Variants in PNISR observed in about 807,000 individuals in gnomAD.
The protein encoded by PNISR is PNN interacting serine and arginine rich protein.
Under a neutral mutation model 93.4 loss-of-function variants are expected in PNISR, and 20 were observed. That is an observed-to-expected ratio of 0.21 (90% confidence interval 0.15 to 0.31). The LOEUF (loss-of-function observed/expected upper bound fraction) is 0.31. Ranked by LOEUF, PNISR falls within the 10% of genes least tolerant of loss-of-function variation. The probability of loss-of-function intolerance (pLI) is 1.00; values close to 1 mark genes in which losing one functional copy is unlikely to be tolerated. For missense variants in PNISR, 893 were observed against 985.4 expected (o/e 0.91, Z 1.25); for synonymous variants, 305 against 306.5 (o/e 0.99, Z 0.05).
In PNISR at chr6:99,399,225, CTGAG is replaced by C. The variant is rs994522248; in HGVS notation, c.*1311_*1314del. 3.3e-5 allele frequency: 5 copies of C among 152,074 alleles called. No homozygotes were observed. The highest frequency in any genetic ancestry group is 5.9e-5 in the Non-Finnish European group (4 of 67,968). 9.4% of individuals were successfully genotyped at this position (152,074 alleles called of 1,614,324 possible). A position where few individuals can be genotyped will look rare whatever the true frequency, so the allele number is the denominator to read the frequency against. ...TTTGTTTTCAGAGATTCATTTATCA[CTGAG>C]TAAGTGATTACATAAAAAAATGGAC... On this transcript the variant is annotated 3_prime_UTR_variant, in exon 12 of 12. Transcript: ENST00000369239.
chr6:99,410,699 A>G, intron 5 of PNISR, 42 bp downstream of exon 5: 2 of 1,368,080 alleles, frequency 1.5e-6, no homozygotes. Flanking sequence ...AGAATGGATT[A>G]CGTGCACATC....
chr6:99,404,209 TG>T (rs1204108025), intron 9 of PNISR: 1 of 372,506 alleles, frequency 2.7e-6, no homozygotes, highest in Admixed American at 4.5e-5. Context: ...GGAAATCACT[TG>T]CTTCTGTAAG....
chr6:99,417,513 G>A lies in PNISR; in HGVS notation c.-111-1085C>T, dbSNP rs149498429. 3.9e-5 allele frequency among the ~76,000 whole-genome samples: 6 copies of A among 152,226 alleles called. No individual in the cohort carries two copies. The East Asian group carries it at 1.2e-3, about 29-fold the overall frequency. ...AATCTGTAAAACAGAAGACCTAAAT[G>A]TCTATACCCCAAAGGATTATTGTGA... On this transcript the variant is annotated intron_variant, in intron 1 of 11. Coordinates refer to ENST00000369239, the MANE Select transcript of PNISR (RefSeq NM_032870.4).
chr6:99,402,022 T>C (rs984354647), intron 11 of PNISR, among the ~76,000 whole-genome samples: 2 of 152,072 alleles, frequency 1.3e-5, no homozygotes, highest in Non-Finnish European at 2.9e-5. Flanking sequence ...GATGTAGAGG[T>C]GGGTGTGAGG....
At chr6:99,418,905 T>C (rs1211460920) in intron 1 of PNISR, among the ~76,000 whole-genome samples, 1 of 151,994 alleles carries the variant, frequency 6.6e-6, no homozygotes, top group Non-Finnish European at 1.5e-5. Flanking sequence ...TCCTAGCACT[T>C]TGGGAGGCTG....
At chr6:99,416,655 T>C (rs141981101) in intron 1 of PNISR, among the ~76,000 whole-genome samples, 1 of 152,286 alleles carries the variant, frequency 6.6e-6, no homozygotes, top group African/African-American at 2.4e-5. Flanking sequence ...AATCTTTTAT[T>C]TACTTGAACA....
At chr6:99,419,924 G>A (rs1244636921) in intron 1 of PNISR, among the ~76,000 whole-genome samples, 1 of 145,310 alleles carries the variant, frequency 6.9e-6, no homozygotes, top group Non-Finnish European at 1.5e-5. Context: ...TCGCTTTGTT[G>A]CCCAGGCTGG....
chr6:99,412,057 AAC>A (rs1203218908), intron 4 of PNISR: 1 of 310,762 alleles, frequency 3.2e-6, no homozygotes, highest in Non-Finnish European at 6.4e-6. Flanking sequence ...AAAAAAGTAA[AAC>A]ACACAAAAAC....
chr6:99,423,536 G>A (rs767816979), intron 1 of PNISR, among the ~76,000 whole-genome samples: 1 of 152,122 alleles, frequency 6.6e-6, no homozygotes, highest in South Asian at 2.1e-4. Context: ...GATGATCAAG[G>A]TCAGTAATAA....
In PNISR at chr6:99,409,156, C is replaced by CT. The variant is rs776379376; in HGVS notation, c.673+16dup. The CT allele has an allele frequency of 6.2e-7, 1 of 1,608,040 alleles. No individual in the cohort carries two copies. The highest frequency in any genetic ancestry group is 8.5e-7 in the Non-Finnish European group (1 of 1,174,898). On this transcript the variant is annotated intron_variant, in intron 6 of 11. Coordinates refer to ENST00000369239, the MANE Select transcript of PNISR (RefSeq NM_032870.4). Reference sequence around the variant, plus strand: ...GTCATGCCAATTGTGGTCCACTAAACTAAGTTAAATAGCTACCAATTTGTG... The same window carrying CT: ...GTCATGCCAATTGTGGTCCACTAAACTTAAGTTAAATAGCTACCAATTTGTG...
Position 99,409,209 on chromosome 6 carries a change from T to C in PNISR, c.637A>G (p.Ile213Val), listed in dbSNP as rs771041770. The C allele has an allele frequency of 3.0e-5, 48 of 1,613,874 alleles. No homozygotes were observed. Among genetic ancestry groups the C allele is most frequent in the Admixed American group, 3.3e-5 (2 of 59,984 alleles). The change falls in exon 6 of 12, where the codon ATT (isoleucine) becomes GTT (valine). Residue 213 changes from isoleucine to valine, a missense_variant. Physicochemically the swap from Ile to Val is conservative, Grantham distance 29. Around this residue, in one of 3 missense-constraint regions of PNISR, gnomAD observed 866 missense variants for 935.1 expected, o/e 0.93. Coordinates refer to ENST00000369239, the MANE Select transcript of PNISR (RefSeq NM_032870.4). ...SSFRDRQRSPIALPVKQEPPQ... is the reference protein window; with the variant it reads ...SSFRDRQRSPVALPVKQEPPQ... ...GGCTCCTGCTTCACAGGAAGTGCAA[T>C]AGGTGAACGCTGACGATCCCTGAAT...
In PNISR at chr6:99,410,962, A is replaced by G; in HGVS notation, c.280T>C (p.Trp94Arg). The change falls in exon 5 of 12, where the codon TGG becomes CGG. Residue 94 changes from tryptophan to arginine, a missense_variant and splice_region_variant. By Grantham distance (101) the Trp-to-Arg change is moderately radical (BLOSUM62 -3). Around this residue, in one of 3 missense-constraint regions of PNISR, gnomAD observed 866 missense variants for 935.1 expected, o/e 0.93. Coordinates refer to ENST00000369239, the MANE Select transcript of PNISR (RefSeq NM_032870.4). The part of the protein sequence containing the change: ...SNFNRMWQPE[W>R]GMHQQPPHPP... ...TGTGGGGGTTGCTGATGCATTCCCC[A>G]TTCTATTTAAGATTTAGGCATAAAA... The G allele has an allele frequency of 6.2e-7, 1 of 1,610,472 alleles. No homozygotes were observed. The highest frequency in any genetic ancestry group is 1.1e-5 in the South Asian group (1 of 90,962).
At chr6:99,423,831 G>A (rs1452712259) in intron 1 of PNISR, among the ~76,000 whole-genome samples, 2 of 152,176 alleles carry the variant, frequency 1.3e-5, no homozygotes, top group Admixed American at 6.5e-5. Flanking sequence ...GGCGTATAGT[G>A]TAAGCTCTAT....
At chr6:99,403,652 G>A (rs1442574352) in intron 10 of PNISR, 177 bp downstream of exon 10, 2 of 441,798 alleles carry the variant, frequency 4.5e-6, no homozygotes, top group East Asian at 3.4e-5. Flanking sequence ...ATTTCTCACT[G>A]TGAATGCGTT....
intron 3 of PNISR, among the ~76,000 whole-genome samples, chr6:99,413,408 AT>A (rs1777231427): frequency 6.6e-6 from 1 of 151,292 alleles, no homozygotes; most frequent in Non-Finnish European, 1.5e-5. Flanking sequence ...CCATCCATCC[AT>A]CCATCCATCC....
rs974086044 is a variant in PNISR at position 99,420,451 on chromosome 6, G to C, written c.-111-4023C>G. Among the ~76,000 whole-genome samples, 143 of 152,314 alleles carry C rather than the reference G, an allele frequency of 9.4e-4. 2 individuals are homozygous for C. Among genetic ancestry groups the C allele is most frequent in the African/African-American group, 3.3e-3 (139 of 41,560 alleles). ...CACATAGCACAATGCTTGATAAGGA[G>C]TTTCATTAACTATTGTTTAATTAAA... On this transcript the variant is annotated intron_variant, in intron 1 of 11. Transcript: ENST00000369239.
Position 99,401,663 on chromosome 6 carries a change from A to G in PNISR, c.1328-33T>C, listed in dbSNP as rs560695092. On this transcript the variant is annotated intron_variant, in intron 11 of 11. Coordinates refer to ENST00000369239, the MANE Select transcript of PNISR (RefSeq NM_032870.4). ...AGAAAAAGACAAAAACACTAAGAAA[A>G]TGTTCATGTAAAATTCTCATACTAC... 5.4e-5 allele frequency: 80 copies of G among 1,470,210 alleles called. 2 individuals are homozygous for G. The South Asian group carries it at 1.2e-3, about 21-fold the overall frequency. 91.1% of individuals were successfully genotyped at this position (1,470,210 alleles called of 1,614,324 possible).
chr6:99,418,809 C>T (rs1353770027), intron 1 of PNISR, among the ~76,000 whole-genome samples: 1 of 152,122 alleles, frequency 6.6e-6, no homozygotes, highest in Non-Finnish European at 1.5e-5. Context: ...AGGATGACTA[C>T]TGGATGAGGG....
intron 1 of PNISR, among the ~76,000 whole-genome samples, chr6:99,417,662 G>A (rs1453096645): frequency 2.0e-5 from 3 of 151,892 alleles, no homozygotes; most frequent in African/African-American, 7.3e-5. Flanking sequence ...AACTATTAGG[G>A]GGTTTTAAAA....
Sources: gnomAD v4.1 joint callset for allele counts (sites outside exome capture counted in the v4.1 genomes callset) on GRCh38, gnomAD v4.1.1 for gene constraint, gnomAD v4.1.1 regional missense constraint, MANE v1.5 for transcripts, NCBI Gene and HGNC (gene_info 2026-07-23, HGNC 2026-07-21) for gene names.